The following GRM7 variants were observed in gnomAD, a reference collection of about 807,000 sequenced individuals.
GRM7 encodes the protein glutamate metabotropic receptor 7, also known as metabotropic glutamate receptor 7.
GRM7 carries 35 observed loss-of-function variants against 84.5 expected under a neutral mutation model. The ratio of observed to expected loss-of-function variants is 0.41; its 90% CI spans 0.32 to 0.55. GRM7 has a LOEUF of 0.55. Ranked by LOEUF, GRM7 falls within the 20% of genes least tolerant of loss-of-function variation. The pLI is 0.19. For missense variants in GRM7, 1,003 were observed against 1,194.6 expected (o/e 0.84, Z 2.36); for synonymous variants, 487 against 455.1 (o/e 1.07, Z -0.89).
chr3:7,690,750 G>C (rs1357708662), intron 9 of GRM7, among the ~76,000 whole-genome samples: 1 of 152,178 alleles, frequency 6.6e-6, no homozygotes, highest in Non-Finnish European at 1.5e-5. Context: ...GCTTTAAATA[G>C]TTATAGATTC....
intron 2 of GRM7, among the ~76,000 whole-genome samples, chr3:7,250,014 C>T (rs909577433): frequency 6.6e-6 from 1 of 152,186 alleles, no homozygotes; most frequent in Non-Finnish European, 1.5e-5. Context: ...TGCTCCATCT[C>T]TTGGCTAGAA....
intron 1 of GRM7, among the ~76,000 whole-genome samples, chr3:7,001,838 A>T (rs569853306): frequency 2.6e-4 from 40 of 152,208 alleles, no homozygotes; most frequent in Non-Finnish European, 5.0e-4. Context: ...TACAATAAAC[A>T]TGAATTATAT....
chr3:6,885,052 GTATAA>G (rs977988122), intron 1 of GRM7, among the ~76,000 whole-genome samples: 1 of 152,030 alleles, frequency 6.6e-6, no homozygotes, highest in Non-Finnish European at 1.5e-5. Context: ...AGCATTCTTA[GTATAA>G]TAAGTCTGAG....
chr3:7,577,271 A>G (rs1261388403), intron 7 of GRM7, among the ~76,000 whole-genome samples: 1 of 152,196 alleles, frequency 6.6e-6, no homozygotes, highest in Non-Finnish European at 1.5e-5. Context: ...TTAAAAATGC[A>G]TATTCTCAGG....
intron 7 of GRM7, among the ~76,000 whole-genome samples, chr3:7,517,103 G>A (rs1259638670): frequency 4.6e-5 from 7 of 152,218 alleles, no homozygotes; most frequent in African/African-American, 1.4e-4. Context: ...TCATGTTCAC[G>A]AGGTAATAAA....
intron 2 of GRM7, among the ~76,000 whole-genome samples, chr3:7,195,394 G>T (rs549758651): frequency 6.6e-6 from 1 of 152,138 alleles, no homozygotes; most frequent in African/African-American, 2.4e-5. Flanking sequence ...TTCAAAGAAA[G>T]GTTGACACAG....
chr3:6,943,709 C>T (rs1483315378), intron 1 of GRM7, among the ~76,000 whole-genome samples: 1 of 151,960 alleles, frequency 6.6e-6, no homozygotes, highest in East Asian at 1.9e-4. Context: ...CTTAGCTTGT[C>T]AATTTTAACA....
intron 1 of GRM7, among the ~76,000 whole-genome samples, chr3:6,974,099 G>A (rs1283103351): frequency 6.6e-6 from 1 of 152,146 alleles, no homozygotes; most frequent in East Asian, 1.9e-4. Flanking sequence ...AAGATTAACA[G>A]TATTTACCAA....
At chr3:7,714,486 C>T (rs984083254) in intron 9 of GRM7, among the ~76,000 whole-genome samples, 5 of 152,126 alleles carry the variant, frequency 3.3e-5, no homozygotes, top group Admixed American at 6.5e-5. Context: ...TTTGGATTGT[C>T]GACCAGCAGC....
chr3:7,511,562 C>T (rs1311814920), intron 7 of GRM7, among the ~76,000 whole-genome samples: 1 of 151,542 alleles, frequency 6.6e-6, no homozygotes, highest in African/African-American at 2.4e-5. Context: ...CTGCGTTTTG[C>T]CCAAGATGGT....
At chr3:7,419,282 C>T (rs376027668) in intron 5 of GRM7, among the ~76,000 whole-genome samples, 2 of 152,112 alleles carry the variant, frequency 1.3e-5, no homozygotes, top group African/African-American at 2.4e-5. Flanking sequence ...TAAGAAATTT[C>T]GGTGCTTTAA....
rs1694761056 is a variant in GRM7, at chr3:6,861,693, G to A, written c.305G>A (p.Gly102Asp). Residue 102 changes from glycine (G) to aspartate (D), a missense_variant, in exon 1 of 10, where the codon GGC becomes GAC. By Grantham distance (94) the Gly-to-Asp change is moderately conservative (BLOSUM62 -1). Around this residue, in one of 2 missense-constraint regions of GRM7, gnomAD observed 910 missense variants for 1,126.0 expected, o/e 0.81. Coordinates refer to ENST00000357716, the MANE Select transcript of GRM7 (RefSeq NM_000844.4). The surrounding 1 kb of genome is among the most constrained non-coding windows in gnomAD (Gnocchi z 6.4). ...DPNLLPNVTL[G>D]ARILDTCSRD... The stretch of plus-strand genomic sequence containing the variant: ...AACCTACTGCCCAACGTGACGCTGG[G>A]CGCGCGGATCCTGGACACTTGTTCC... 1 of 1,614,044 alleles carries A rather than the reference G, an allele frequency of 6.2e-7. No individual in the cohort carries two copies. Among genetic ancestry groups the A allele is most frequent in the African/African-American group, 1.3e-5 (1 of 74,942 alleles).
At chr3:7,546,147 T>TAA (rs920421033) in intron 7 of GRM7, among the ~76,000 whole-genome samples, 9 of 152,162 alleles carry the variant, frequency 5.9e-5, no homozygotes, top group African/African-American at 2.2e-4. Context: ...CAGAAAACGG[T>TAA]AAAATGAGGA....
At chr3:6,969,582 A>T (rs549313993) in intron 1 of GRM7, among the ~76,000 whole-genome samples, 1 of 152,190 alleles carries the variant, frequency 6.6e-6, no homozygotes, top group Non-Finnish European at 1.5e-5. Context: ...GTGTTTCGTG[A>T]CCTAGCACAG....
At chr3:6,991,080 A>G (rs1214345940) in intron 1 of GRM7, among the ~76,000 whole-genome samples, 3 of 152,090 alleles carry the variant, frequency 2.0e-5, no homozygotes, top group African/African-American at 7.2e-5. Flanking sequence ...ATGCATACAT[A>G]CATACATACA....
At chr3:7,301,269 C>A (rs1244133479) in intron 3 of GRM7, among the ~76,000 whole-genome samples, 2 of 152,218 alleles carry the variant, frequency 1.3e-5, no homozygotes, top group African/African-American at 2.4e-5. Context: ...TTCTGATCAT[C>A]CCTTAAATAT....
At chr3:7,125,548 G>C (rs1014013694) in intron 1 of GRM7, among the ~76,000 whole-genome samples, 2 of 152,136 alleles carry the variant, frequency 1.3e-5, no homozygotes, top group Non-Finnish European at 2.9e-5. Flanking sequence ...AGGTTATGAT[G>C]TCTTCTTAAT....
At chr3:7,637,943 G>C (rs553930739) in intron 8 of GRM7, among the ~76,000 whole-genome samples, 1 of 152,302 alleles carries the variant, frequency 6.6e-6, no homozygotes, top group African/African-American at 2.4e-5. Context: ...AGTAAGCTGT[G>C]TTTGCCCACA....
intron 5 of GRM7, among the ~76,000 whole-genome samples, chr3:7,446,560 A>C (rs1697522889): frequency 6.7e-6 from 1 of 149,888 alleles, no homozygotes; most frequent in Non-Finnish European, 1.5e-5. Context: ...TCCTGGGTTC[A>C]AGGCAATTCT....
Sources: allele counts gnomAD v4.1 joint callset (sites outside exome capture counted in the v4.1 genomes callset), GRCh38; gene constraint gnomAD v4.1.1; regional missense constraint gnomAD v4.1.1; non-coding constraint Gnocchi (gnomAD v3.1); transcripts MANE v1.5; gene names NCBI Gene and HGNC (gene_info 2026-07-23, HGNC 2026-07-21).